Variants in SNX29 observed in about 807,000 individuals in gnomAD.
SNX29 encodes sorting nexin 29, also known as sorting nexin-29.
SNX29 carries 78 observed loss-of-function variants against 102.1 expected under a neutral mutation model. The observed-to-expected ratio is 0.76, with a 90% CI of 0.64 to 0.92. The LOEUF is 0.92. Ranked by LOEUF, SNX29 falls within the 40% of genes least tolerant of loss-of-function variation. SNX29 has a pLI of 0.00. For synonymous variants in SNX29, 580 were observed against 414.5 expected, an observed-to-expected ratio of 1.40 and a Z score of -4.85; for missense variants, 1,280 against 1,061.7, an observed-to-expected ratio of 1.21 and a Z score of -2.86.
chr16:11,984,038 A>T (rs957097332), intron 1 of SNX29, among the ~76,000 whole-genome samples: 1 of 152,210 alleles, frequency 6.6e-6, no homozygotes, highest in East Asian at 1.9e-4. Context: ...GTGTCTAAAA[A>T]GTGTCCTTAG....
intron 13 of SNX29, among the ~76,000 whole-genome samples, chr16:12,179,271 T>C (rs975815395): frequency 2.6e-5 from 4 of 152,138 alleles, no homozygotes; most frequent in African/African-American, 4.8e-5. Context: ...ATCACTTGAG[T>C]TCAGGAGTTC....
intron 14 of SNX29, among the ~76,000 whole-genome samples, chr16:12,223,705 G>C (rs578122603): frequency 6.6e-6 from 1 of 152,190 alleles, no homozygotes; most frequent in Non-Finnish European, 1.5e-5. Context: ...GAAATCTGTT[G>C]ACTGTGCTGC....
At chr16:12,393,944 T>C (rs2083627940) in intron 16 of SNX29, among the ~76,000 whole-genome samples, 1 of 152,180 alleles carries the variant, frequency 6.6e-6, no homozygotes, top group African/African-American at 2.4e-5. Context: ...TCTCACATCA[T>C]CAGAGGAAGC....
chr16:12,189,871 G>T (rs1400453718), intron 13 of SNX29, among the ~76,000 whole-genome samples: 1 of 152,062 alleles, frequency 6.6e-6, no homozygotes, highest in Non-Finnish European at 1.5e-5. Flanking sequence ...ACTTTTATGA[G>T]CTGGCTTCTG....
At chr16:12,035,154 C>T (rs1232570006) in intron 4 of SNX29, among the ~76,000 whole-genome samples, 1 of 151,948 alleles carries the variant, frequency 6.6e-6, no homozygotes, top group African/African-American at 2.4e-5. Flanking sequence ...GGCGTATGCC[C>T]CTAAAAGGAA....
chr16:12,550,309 G>T (rs759556199), intron 20 of SNX29, among the ~76,000 whole-genome samples: 1 of 152,290 alleles, frequency 6.6e-6, no homozygotes, highest in African/African-American at 2.4e-5. Context: ...GGCCAAGGTG[G>T]TTGGGTCACC....
At chr16:12,312,586 G>A (rs1164315050) in intron 15 of SNX29, among the ~76,000 whole-genome samples, 1 of 152,000 alleles carries the variant, frequency 6.6e-6, no homozygotes, top group Non-Finnish European at 1.5e-5. Flanking sequence ...GGAGGCCAGG[G>A]GGTCTCGCAT....
chr16:12,399,624 C>G (rs1331820543), intron 17 of SNX29, among the ~76,000 whole-genome samples: 2 of 152,066 alleles, frequency 1.3e-5, no homozygotes, highest in Admixed American at 1.3e-4. Context: ...ATTTGTGAGG[C>G]GAAGGTCCTG....
At chr16:12,079,938 T>C (rs113680410) in intron 11 of SNX29, among the ~76,000 whole-genome samples, 1,869 of 152,262 alleles carry the variant, frequency 0.012, 19 homozygotes, top group South Asian at 0.054. Context: ...ACAATGTTTT[T>C]CATTTAGCTC....
Position 12,569,832 on chromosome 16 carries a change from T to TA in SNX29, c.*1206dup, listed in dbSNP as rs936850474. The TA allele has an allele frequency of 4.3e-6, 1 of 230,484 alleles. No homozygotes were observed. Among genetic ancestry groups the TA allele is most frequent in the African/African-American group, 2.2e-5 (1 of 45,182 alleles). The allele number at this position is 230,484 out of a possible 1,614,324, so 14.3% of individuals were successfully genotyped here. On this transcript the variant is annotated 3_prime_UTR_variant, in exon 21 of 21. Coordinates refer to ENST00000566228, the MANE Select transcript of SNX29 (RefSeq NM_032167.5). ...GTTGTGGCAGTTTGCATTTCTAGGG[T>TA]AAACTAACTAGGAAGGATGTCGTGA...
chr16:12,113,742 G>T (rs2053584089), intron 11 of SNX29, among the ~76,000 whole-genome samples: 1 of 152,260 alleles, frequency 6.6e-6, no homozygotes, highest in Non-Finnish European at 1.5e-5. Flanking sequence ...GGCAGACTCA[G>T]GGCTTTAGAC....
At chr16:12,471,701 T>G (rs1178892691) in intron 18 of SNX29, among the ~76,000 whole-genome samples, 1 of 152,246 alleles carries the variant, frequency 6.6e-6, no homozygotes, top group East Asian at 1.9e-4. Flanking sequence ...CTATGTTTTG[T>G]TTTTGCTTTT....
intron 14 of SNX29, among the ~76,000 whole-genome samples, chr16:12,260,049 G>C (rs901617571): frequency 6.6e-5 from 10 of 152,174 alleles, no homozygotes; most frequent in African/African-American, 2.4e-4. Flanking sequence ...CCACATTGAG[G>C]CTTCACAGGC....
intron 14 of SNX29, among the ~76,000 whole-genome samples, chr16:12,268,020 G>C (rs1299264798): frequency 2.0e-5 from 3 of 152,154 alleles, no homozygotes; most frequent in African/African-American, 7.2e-5. Flanking sequence ...CTTTGCATTT[G>C]CGGTTCCCGG....
chr16:12,500,515 A>G (rs1329512302), intron 19 of SNX29, among the ~76,000 whole-genome samples: 3 of 152,252 alleles, frequency 2.0e-5, no homozygotes, highest in Non-Finnish European at 4.4e-5. Flanking sequence ...GTGGATGAGC[A>G]AAGAACACAG....
intron 14 of SNX29, among the ~76,000 whole-genome samples, chr16:12,214,980 C>A (rs1049485034): frequency 6.6e-6 from 1 of 152,166 alleles, no homozygotes; most frequent in African/African-American, 2.4e-5. Context: ...CTGTTGTGCA[C>A]CTAGCTTCCA....
intron 13 of SNX29, among the ~76,000 whole-genome samples, chr16:12,187,411 G>A (rs546570969): frequency 3.3e-5 from 5 of 152,200 alleles, no homozygotes; most frequent in South Asian, 2.1e-4. Context: ...AAAATTAGCC[G>A]GGTGTGCACG....
chr16:12,572,630 C>CA lies in SNX29; in HGVS notation c.*4001_*4002insA. On this transcript the variant is annotated 3_prime_UTR_variant, in exon 21 of 21. Transcript: ENST00000566228. ...CCCTCCGGCTACCCCCAGAATCCAT[C>CA]CTTCATTCCTCCACCAAGCTCCTGT... 9.4e-7 allele frequency: 1 copy of CA among 1,063,950 alleles called. No individual in the cohort carries two copies. The allele number at this position is 1,063,950 out of a possible 1,614,324, so 65.9% of individuals were successfully genotyped here.
chr16:12,413,895 G>A (rs1453557150), intron 18 of SNX29, among the ~76,000 whole-genome samples: 1 of 152,180 alleles, frequency 6.6e-6, no homozygotes, highest in African/African-American at 2.4e-5. Context: ...TGCTTGTCTG[G>A]GGGGGATTGG....
Sources: allele counts gnomAD v4.1 joint callset (sites outside exome capture counted in the v4.1 genomes callset), GRCh38; gene constraint gnomAD v4.1.1; transcripts MANE v1.5; gene names NCBI Gene and HGNC (gene_info 2026-07-23, HGNC 2026-07-21).